NAV1: variants seen among roughly 807,000 people sequenced by gnomAD.
The protein encoded by NAV1 is pore membrane and/or filament interacting like protein 3.
Under a neutral mutation model 175.2 loss-of-function variants are expected in NAV1, and 18 were observed. The ratio of observed to expected loss-of-function variants is 0.10; its 90% CI spans 0.07 to 0.15. The LOEUF is 0.15. Ranked by LOEUF, NAV1 falls within the 10% of genes least tolerant of loss-of-function variation. NAV1 has a pLI of 1.00. For synonymous variants in NAV1, 897 were observed against 978.7 expected, an observed-to-expected ratio of 0.92 and a Z score of 1.56; for missense variants, 1,731 against 2,436.6, an observed-to-expected ratio of 0.71 and a Z score of 6.10.
intron 3 of NAV1, among the ~76,000 whole-genome samples, chr1:201,722,116 C>T (rs1023996130): frequency 4.6e-5 from 7 of 152,046 alleles, no homozygotes; most frequent in Admixed American, 4.6e-4. Flanking sequence ...ATAAAATTTA[C>T]CATTTTATGT....
At chr1:201,653,242 T>G (rs1266485124) in intron 1 of NAV1, among the ~76,000 whole-genome samples, 4 of 152,164 alleles carry the variant, frequency 2.6e-5, no homozygotes, top group Non-Finnish European at 5.9e-5. Flanking sequence ...CTTTTGACAC[T>G]CCAGGTGTTC....
At chr1:201,609,876 G>A (rs1368137169) in intron 2 of NAV1, among the ~76,000 whole-genome samples, 1 of 152,216 alleles carries the variant, frequency 6.6e-6, no homozygotes, top group East Asian at 1.9e-4. Flanking sequence ...AGGAGGGAGA[G>A]AGGGAAACCT....
chr1:201,579,402 C>G (rs1345700814), intron 1 of NAV1, among the ~76,000 whole-genome samples: 1 of 152,172 alleles, frequency 6.6e-6, no homozygotes, highest in African/African-American at 2.4e-5. Flanking sequence ...ATCACCCAAG[C>G]TGGAGTGCAG....
At chr1:201,617,027 C>G (rs1668022000) in intron 2 of NAV1, among the ~76,000 whole-genome samples, 1 of 152,180 alleles carries the variant, frequency 6.6e-6, no homozygotes, top group African/African-American at 2.4e-5. Context: ...AGAGTACTAA[C>G]TCCCTAGTGT....
intron 3 of NAV1, among the ~76,000 whole-genome samples, chr1:201,736,293 G>A (rs1673110266): frequency 6.6e-6 from 1 of 152,144 alleles, no homozygotes; most frequent in African/African-American, 2.4e-5. Context: ...AGGAAATCGG[G>A]TATGTGATCA....
chr1:201,623,673 A>T, intron 1 of NAV1, 67 bp downstream of exon 3: 1 of 986,000 alleles, frequency 1.0e-6, no homozygotes, highest in Non-Finnish European at 1.2e-6. Context: ...GCAAGCCGGA[A>T]GAGGACAGGG....
At position 201,808,323 on chromosome 1, in the gene NAV1, A is replaced by C; in HGVS notation, c.3846-95A>C. 6.9e-7 allele frequency: 1 copy of C among 1,442,214 alleles called. No homozygotes were observed. Among genetic ancestry groups the C allele is most frequent in the Non-Finnish European group, 9.4e-7 (1 of 1,065,282 alleles). 89.3% of individuals were successfully genotyped at this position (1,442,214 alleles called of 1,614,324 possible). Reference sequence around the variant, plus strand: ...TCATGCTGATTGAATATCAATGGGCAGGAGAAGCCAAGACCACCAACCATG... The same window carrying C: ...TCATGCTGATTGAATATCAATGGGCCGGAGAAGCCAAGACCACCAACCATG... On this transcript the variant is annotated intron_variant, in intron 18 of 29. Transcript: ENST00000367296. This position sits in a 1 kb window ranked among gnomAD's most constrained non-coding sequence, Gnocchi z 5.5.
chr1:201,823,440 A>G (rs1679504271), exon 30 of NAV1: 1 of 152,192 alleles, frequency 6.6e-6, no homozygotes, highest in Non-Finnish European at 1.5e-5. Flanking sequence ...GCTGTTTCCT[A>G]CCTTCTGAGG....
intron 1 of NAV1, among the ~76,000 whole-genome samples, chr1:201,573,884 C>T (rs10920218): frequency 0.078 from 11,793 of 152,054 alleles, 612 homozygotes; most frequent in Admixed American, 0.15. Context: ...AGAAAGGTCC[C>T]ATCTCTAAAA....
At chr1:201,614,420 C>A (rs1163772307) in intron 2 of NAV1, among the ~76,000 whole-genome samples, 5 of 152,156 alleles carry the variant, frequency 3.3e-5, no homozygotes. Flanking sequence ...CGGTGGAGAG[C>A]GGGGCCAGGA....
chr1:201,551,210 G>A (rs919773061), intron 1 of NAV1, among the ~76,000 whole-genome samples: 1 of 152,174 alleles, frequency 6.6e-6, no homozygotes, highest in Non-Finnish European at 1.5e-5. Flanking sequence ...TATAGCAGAA[G>A]GGGCCAGTGG....
intron 1 of NAV1, among the ~76,000 whole-genome samples, chr1:201,711,117 G>T (rs530896213): frequency 6.6e-6 from 1 of 152,378 alleles, no homozygotes; most frequent in South Asian, 2.1e-4. Flanking sequence ...CACTTGCCAG[G>T]ATAAATAGGC....
chr1:201,773,171 T>G (rs1051385153), intron 3 of NAV1, among the ~76,000 whole-genome samples: 6 of 152,188 alleles, frequency 3.9e-5, no homozygotes, highest in African/African-American at 1.4e-4. Context: ...TATACTACAT[T>G]AATGATGGCT....
At chr1:201,586,847 A>G (rs560994512) in intron 1 of NAV1, among the ~76,000 whole-genome samples, 1 of 152,270 alleles carries the variant, frequency 6.6e-6, no homozygotes, top group African/African-American at 2.4e-5. Context: ...TCAAAACACA[A>G]ATTTGGAGGG....
chr1:201,557,008 A>G (rs1442087471), intron 1 of NAV1, among the ~76,000 whole-genome samples: 1 of 152,134 alleles, frequency 6.6e-6, no homozygotes, highest in Non-Finnish European at 1.5e-5. Context: ...TGACTCCATG[A>G]TCCTGCCAGA....
At chr1:201,778,457 C>T (rs1283745425) in intron 3 of NAV1, among the ~76,000 whole-genome samples, 3 of 152,152 alleles carry the variant, frequency 2.0e-5, no homozygotes, top group Non-Finnish European at 2.9e-5. Flanking sequence ...TTATCTTGAC[C>T]TGGAAGAGCT....
chr1:201,562,585 G>A (rs1253296999), intron 1 of NAV1, among the ~76,000 whole-genome samples: 1 of 152,250 alleles, frequency 6.6e-6, no homozygotes, highest in Non-Finnish European at 1.5e-5. Context: ...ACACTGTATG[G>A]TCTGAAAGGA....
chr1:201,802,437 A>G (rs1249502460), intron 15 of NAV1, among the ~76,000 whole-genome samples: 1 of 141,628 alleles, frequency 7.1e-6, no homozygotes, highest in Non-Finnish European at 1.5e-5. Context: ...CCTGGGCAAC[A>G]CAGCAAGACC....
intron 2 of NAV1, among the ~76,000 whole-genome samples, chr1:201,592,354 G>A (rs1667223904): frequency 6.6e-6 from 1 of 152,126 alleles, no homozygotes; most frequent in Admixed American, 6.5e-5. Flanking sequence ...GGGTGGGGTG[G>A]GACAACAGCT....
Sources: gnomAD v4.1 joint callset for allele counts (sites outside exome capture counted in the v4.1 genomes callset) on GRCh38, gnomAD v4.1.1 for gene constraint, Gnocchi (gnomAD v3.1) non-coding constraint, MANE v1.5 for transcripts, NCBI Gene and HGNC (gene_info 2026-07-23, HGNC 2026-07-21) for gene names.